ST6GALNAC5: variants seen among roughly 807,000 people sequenced by gnomAD.
ST6GALNAC5 encodes the protein ST6 N-acetylgalactosaminide alpha-2,6-sialyltransferase 5, also known as alpha-N-acetylgalactosaminide alpha-2,6-sialyltransferase 5.
A neutral mutation model predicts 33.6 loss-of-function variants in ST6GALNAC5; 27 were observed. That is an observed-to-expected ratio of 0.80 (90% CI 0.59 to 1.11). ST6GALNAC5 has a LOEUF of 1.11. ST6GALNAC5 is among the 50% of genes least tolerant of loss of function. The pLI, the probability that ST6GALNAC5 is intolerant of heterozygous loss-of-function variation, is 0.00. For missense variants in ST6GALNAC5, 428 were observed against 454.0 expected, an observed-to-expected ratio of 0.94 and a Z score of 0.52; for synonymous variants, 194 against 171.2, an observed-to-expected ratio of 1.13 and a Z score of -1.04.
At chr1:76,872,606 G>A (rs902817493) in intron 2 of ST6GALNAC5, among the ~76,000 whole-genome samples, 18 of 152,074 alleles carry the variant, frequency 1.2e-4, no homozygotes, top group Non-Finnish European at 1.3e-4. Flanking sequence ...ATCCAAAACC[G>A]GAATTTGGAT....
chr1:77,006,808 T>A (rs1650436842), intron 2 of ST6GALNAC5, among the ~76,000 whole-genome samples: 1 of 152,210 alleles, frequency 6.6e-6, no homozygotes. Flanking sequence ...TGGGTTTGTC[T>A]GGTCTCTGTT....
intron 2 of ST6GALNAC5, among the ~76,000 whole-genome samples, chr1:77,014,793 T>A (rs866150466): frequency 1.5e-4 from 23 of 152,104 alleles, no homozygotes; most frequent in Admixed American, 2.0e-4. Flanking sequence ...ATAATCAGAA[T>A]GGAATTTTCT....
At chr1:76,972,146 C>A (rs539551379) in intron 2 of ST6GALNAC5, among the ~76,000 whole-genome samples, 1 of 152,280 alleles carries the variant, frequency 6.6e-6, no homozygotes, top group African/African-American at 2.4e-5. Context: ...GGAGGCCTCA[C>A]AATCATGGTG....
intron 2 of ST6GALNAC5, among the ~76,000 whole-genome samples, chr1:76,908,760 T>C (rs901899997): frequency 3.9e-5 from 6 of 152,140 alleles, no homozygotes; most frequent in African/African-American, 1.4e-4. Flanking sequence ...CTGTCTTTCT[T>C]GTTCATCCTT....
chr1:76,991,358 G>A (rs919028652), intron 2 of ST6GALNAC5, among the ~76,000 whole-genome samples: 1 of 152,092 alleles, frequency 6.6e-6, no homozygotes, highest in Non-Finnish European at 1.5e-5. Context: ...GTGAATTTTA[G>A]GGCTCAACAC....
chr1:77,010,820 A>G (rs940515281), intron 2 of ST6GALNAC5, among the ~76,000 whole-genome samples: 1 of 152,234 alleles, frequency 6.6e-6, no homozygotes, highest in Non-Finnish European at 1.5e-5. Context: ...TTCTTAGACT[A>G]TTTCTAAAAG....
At chr1:77,031,436 C>G (rs1229318156) in intron 2 of ST6GALNAC5, among the ~76,000 whole-genome samples, 1 of 152,168 alleles carries the variant, frequency 6.6e-6, no homozygotes, top group East Asian at 1.9e-4. Flanking sequence ...AGAACCAGAG[C>G]ATCAACACTG....
At chr1:76,929,437 G>T (rs1647116372) in intron 2 of ST6GALNAC5, among the ~76,000 whole-genome samples, 1 of 152,248 alleles carries the variant, frequency 6.6e-6, no homozygotes, top group African/African-American at 2.4e-5. Context: ...TACTTGGGAG[G>T]CTGAGACAGG....
intron 2 of ST6GALNAC5, among the ~76,000 whole-genome samples, chr1:76,948,687 C>A (rs1647625705): frequency 6.6e-6 from 1 of 150,664 alleles, no homozygotes; most frequent in African/African-American, 2.4e-5. Context: ...ATAAGAATAT[C>A]CTTCTCACTC....
intron 2 of ST6GALNAC5, among the ~76,000 whole-genome samples, chr1:77,002,379 C>CT (rs1464776074): frequency 2.6e-5 from 4 of 152,042 alleles, no homozygotes; most frequent in African/African-American, 9.7e-5. Context: ...ATTCTTCTCT[C>CT]TTTTTTTCTT....
intron 2 of ST6GALNAC5, among the ~76,000 whole-genome samples, chr1:76,967,041 T>C (rs1336918271): frequency 6.6e-6 from 1 of 152,202 alleles, no homozygotes; most frequent in East Asian, 1.9e-4. Context: ...TCATCAGCGA[T>C]ACTGGTCTAA....
chr1:76,917,661 T>C (rs1258358645), intron 2 of ST6GALNAC5, among the ~76,000 whole-genome samples: 1 of 151,360 alleles, frequency 6.6e-6, no homozygotes, highest in Non-Finnish European at 1.5e-5. Context: ...TAAAAATATA[T>C]ATTTATATTT....
intron 2 of ST6GALNAC5, among the ~76,000 whole-genome samples, chr1:76,882,554 C>CT (rs931875145): frequency 2.0e-5 from 3 of 152,088 alleles, no homozygotes; most frequent in Non-Finnish European, 4.4e-5. Context: ...GAAAAGGAAA[C>CT]TTTTTTAGTA....
chr1:76,988,133 G>A (rs561978518), intron 2 of ST6GALNAC5, among the ~76,000 whole-genome samples: 1 of 152,162 alleles, frequency 6.6e-6, no homozygotes, highest in East Asian at 1.9e-4. Context: ...CAAGCTCTGA[G>A]ATTCTTTCTT....
intron 2 of ST6GALNAC5, among the ~76,000 whole-genome samples, chr1:77,001,701 G>T (rs924201438): frequency 2.0e-5 from 3 of 151,414 alleles, no homozygotes; most frequent in South Asian, 2.1e-4. Flanking sequence ...TAGCATGAAG[G>T]GTTGTTGAAT....
At chr1:76,949,372 A>C (rs1647654840) in intron 2 of ST6GALNAC5, among the ~76,000 whole-genome samples, 1 of 152,128 alleles carries the variant, frequency 6.6e-6, no homozygotes, top group South Asian at 2.1e-4. Flanking sequence ...TTTTGCCATC[A>C]GAGATGTTCC....
intron 2 of ST6GALNAC5, among the ~76,000 whole-genome samples, chr1:76,960,387 G>C (rs1036751588): frequency 5.3e-5 from 8 of 152,130 alleles, no homozygotes; most frequent in Non-Finnish European, 1.2e-4. Flanking sequence ...CAAGGTAATA[G>C]AATATCACAA....
intron 2 of ST6GALNAC5, among the ~76,000 whole-genome samples, chr1:77,034,884 G>A (rs1016906749): frequency 2.0e-5 from 3 of 152,142 alleles, no homozygotes; most frequent in African/African-American, 4.8e-5. Flanking sequence ...GGATACAGGT[G>A]GATTTTCTTG....
At chr1:76,925,307 A>T (rs955466790) in intron 2 of ST6GALNAC5, among the ~76,000 whole-genome samples, 1 of 152,028 alleles carries the variant, frequency 6.6e-6, no homozygotes, top group South Asian at 2.1e-4. Context: ...CAAATATCCA[A>T]ACTGTATCAC....
Sources: gnomAD v4.1 joint callset for allele counts (sites outside exome capture counted in the v4.1 genomes callset) on GRCh38, gnomAD v4.1.1 for gene constraint, MANE v1.5 for transcripts, NCBI Gene and HGNC (gene_info 2026-07-23, HGNC 2026-07-21) for gene names.